The following TYR variants were observed in gnomAD, a reference collection of about 807,000 sequenced individuals.
TYR encodes tyrosinase.
A neutral mutation model predicts 51.5 loss-of-function variants in TYR; 58 were observed. The observed-to-expected ratio is 1.13, with a 90% CI of 0.91 to 1.40. The LOEUF is 1.40. Ranked by LOEUF, TYR falls within the 40% of genes most tolerant of loss-of-function variation. The pLI is 0.00. For missense variants in TYR, 732 were observed against 647.4 expected (o/e 1.13, Z -1.42); for synonymous variants, 263 against 235.2 (o/e 1.12, Z -1.08).
chr11:89,294,571 C>T (rs1274667911), intron 4 of TYR, among the ~76,000 whole-genome samples: 2 of 152,210 alleles, frequency 1.3e-5, no homozygotes, highest in East Asian at 3.9e-4. Flanking sequence ...TAACCAAGAG[C>T]GCCCCCAACC....
chr11:89,282,157 T>C (rs188754106), intron 3 of TYR, among the ~76,000 whole-genome samples: 20 of 151,934 alleles, frequency 1.3e-4, no homozygotes, highest in African/African-American at 4.8e-4. Context: ...GTCCTTGTCC[T>C]ACTTAGGTAA....
Position 89,229,435 on chromosome 11 carries a change from G to A in TYR, c.1184+1465G>A, listed in dbSNP as rs533310988. On this transcript the variant is annotated intron_variant, in intron 3 of 4. Transcript: ENST00000263321. ...AGAATCATTTTTATATCACTTTTTGGTGTAAATTTTTTGCCATTTTTAATA... is the reference window on the plus strand; with the variant it reads ...AGAATCATTTTTATATCACTTTTTGATGTAAATTTTTTGCCATTTTTAATA... Among the ~76,000 whole-genome samples, 40 of 151,958 alleles carry A rather than the reference G, an allele frequency of 2.6e-4. 1 individual carries two copies. In the South Asian group the frequency reaches 3.9e-3, roughly 15 times the overall value.
rs546714505 is a variant in TYR at position 89,273,380 on chromosome 11, G to T, written c.1185-11393G>T. On this transcript the variant is annotated intron_variant, in intron 3 of 4. Coordinates refer to ENST00000263321, the MANE Select transcript of TYR (RefSeq NM_000372.5). Reference sequence around the variant, plus strand: ...GAGGAGGACTGTTGGTGATGGGGGCGTGAGGGAAGGAGGATGGCTGGCAGG... The same window carrying T: ...GAGGAGGACTGTTGGTGATGGGGGCTTGAGGGAAGGAGGATGGCTGGCAGG... 5.3e-5 allele frequency among the ~76,000 whole-genome samples: 8 copies of T among 151,926 alleles called. No individual in the cohort carries two copies. In the East Asian group the frequency reaches 9.7e-4, roughly 18 times the overall value.
At chr11:89,223,349 A>T (rs573544733) in intron 2 of TYR, among the ~76,000 whole-genome samples, 1 of 152,208 alleles carries the variant, frequency 6.6e-6, no homozygotes, top group Non-Finnish European at 1.5e-5. Flanking sequence ...AACAGAGTCA[A>T]ATCTCAGCCA....
intron 2 of TYR, among the ~76,000 whole-genome samples, chr11:89,220,276 C>A (rs1472175235): frequency 1.3e-5 from 2 of 152,130 alleles, no homozygotes; most frequent in African/African-American, 2.4e-5. Flanking sequence ...CACATTATAT[C>A]GCCAGAGCAG....
intron 2 of TYR, among the ~76,000 whole-genome samples, chr11:89,199,470 G>T (rs1344542721): frequency 6.6e-6 from 1 of 152,138 alleles, no homozygotes; most frequent in Non-Finnish European, 1.5e-5. Flanking sequence ...GTCTTAGGAA[G>T]ATTCACTGGA....
intron 4 of TYR, among the ~76,000 whole-genome samples, chr11:89,286,329 G>T (rs1222173652): frequency 6.6e-6 from 1 of 151,840 alleles, no homozygotes; most frequent in African/African-American, 2.4e-5. Flanking sequence ...TGAGTAGTAT[G>T]AACAGTGGAA....
intron 3 of TYR, among the ~76,000 whole-genome samples, chr11:89,250,700 G>T (rs370133033): frequency 5.9e-5 from 9 of 151,926 alleles, no homozygotes; most frequent in African/African-American, 2.2e-4. Context: ...GTGTGTCTGT[G>T]TCCTAAACTT....
rs534324070 is a variant in TYR at position 89,206,766 on chromosome 11, G to A, written c.1036+15348G>A. ...AATATCAACAAATTTAAAAAGATTG[G>A]AATTATACAGACTGTGTTCTCCTAC... On this transcript the variant is annotated intron_variant, in intron 2 of 4. Coordinates refer to ENST00000263321, the MANE Select transcript of TYR (RefSeq NM_000372.5). Among the ~76,000 whole-genome samples, 21 of 152,152 alleles carry A rather than the reference G, an allele frequency of 1.4e-4. No individual in the cohort carries two copies. In the South Asian group the frequency reaches 4.4e-3, roughly 32 times the overall value.
Position 89,253,312 on chromosome 11 carries a change from AT to A in TYR, c.1184+25345del, listed in dbSNP as rs1203929780. 2.0e-5 allele frequency among the ~76,000 whole-genome samples: 3 copies of A among 151,692 alleles called. No individual in the cohort carries two copies. The East Asian group carries it at 5.8e-4, about 29-fold the overall frequency. On this transcript the variant is annotated intron_variant, in intron 3 of 4. Coordinates refer to ENST00000263321, the MANE Select transcript of TYR (RefSeq NM_000372.5). ...TTCAAATATCTGTTTTTATTGAGGT[AT>A]TTATTTAGTATTGTTGAGTTCTGCT...
intron 2 of TYR, among the ~76,000 whole-genome samples, chr11:89,201,575 T>C (rs758610260): frequency 6.6e-6 from 1 of 152,238 alleles, no homozygotes; most frequent in Non-Finnish European, 1.5e-5. Context: ...TCATTTTTAC[T>C]GCAAGTCTGT....
At chr11:89,237,010 T>C (rs1447091030) in intron 3 of TYR, among the ~76,000 whole-genome samples, 2 of 152,132 alleles carry the variant, frequency 1.3e-5, no homozygotes, top group African/African-American at 2.4e-5. Context: ...CACCATGAAA[T>C]TGGCAAATGG....
chr11:89,211,572 G>A (rs1403519476), intron 2 of TYR, among the ~76,000 whole-genome samples: 2 of 152,208 alleles, frequency 1.3e-5, no homozygotes, highest in African/African-American at 4.8e-5. Context: ...GGTTATCCGG[G>A]AATTGAACTC....
chr11:89,266,377 T>C (rs926489449), intron 3 of TYR, among the ~76,000 whole-genome samples: 1 of 151,994 alleles, frequency 6.6e-6, no homozygotes, highest in Non-Finnish European at 1.5e-5. Context: ...TTCTTTTAGA[T>C]GGCATCTCTG....
At chr11:89,269,086 T>C (rs1469729481) in intron 3 of TYR, among the ~76,000 whole-genome samples, 2 of 151,978 alleles carry the variant, frequency 1.3e-5, no homozygotes, top group Non-Finnish European at 2.9e-5. Flanking sequence ...ATAGGGACTA[T>C]GCTTCTACAT....
chr11:89,254,776 T>C (rs1944369916), intron 3 of TYR, among the ~76,000 whole-genome samples: 1 of 151,896 alleles, frequency 6.6e-6, no homozygotes, highest in Non-Finnish European at 1.5e-5. Flanking sequence ...AAGAACAAGC[T>C]TTTTGTTTCA....
chr11:89,294,018 T>C (rs1469439161), intron 4 of TYR: 3 of 194,006 alleles, frequency 1.5e-5, no homozygotes, highest in Non-Finnish European at 3.2e-5. Context: ...AGACTTTCTT[T>C]CTTTTTGTAA....
At chr11:89,259,580 C>G (rs1172165570) in intron 3 of TYR, among the ~76,000 whole-genome samples, 2 of 151,926 alleles carry the variant, frequency 1.3e-5, no homozygotes, top group African/African-American at 4.8e-5. Context: ...AAAAATAGGA[C>G]CAAGAAATAA....
chr11:89,265,912 A>T (rs968850437), intron 3 of TYR, among the ~76,000 whole-genome samples: 2 of 152,022 alleles, frequency 1.3e-5, no homozygotes, highest in African/African-American at 2.4e-5. Context: ...AAAGGAAAAA[A>T]ACTAAGAAAT....
Sources: allele counts gnomAD v4.1 joint callset (sites outside exome capture counted in the v4.1 genomes callset), GRCh38; gene constraint gnomAD v4.1.1; transcripts MANE v1.5; gene names NCBI Gene and HGNC (gene_info 2026-07-23, HGNC 2026-07-21).